BAHCC1: variants seen among roughly 807,000 people sequenced by gnomAD.
BAHCC1 encodes BAH and coiled-coil domain-containing protein 1.
In BAHCC1, 43 loss-of-function variants were observed where a neutral mutation model predicts 88.2. The ratio of observed to expected loss-of-function variants is 0.49; its 90% CI spans 0.38 to 0.63. The LOEUF (loss-of-function observed/expected upper bound fraction) is 0.63. Among genes scored for constraint, BAHCC1 ranks in the 20% least tolerant of loss-of-function variants. BAHCC1 has a pLI of 0.00. For missense variants in BAHCC1, 3,023 were observed against 1,654.8 expected (o/e 1.83, Z -14.34); for synonymous variants, 1,510 against 745.5 (o/e 2.03, Z -16.71).
Position 81,455,087 on chromosome 17 carries a change from CAGA to C in BAHCC1, c.4446-179_4446-177del, listed in dbSNP as rs61256828. 4.7e-3 allele frequency among the ~76,000 whole-genome samples: 710 copies of C among 152,306 alleles called. 5 individuals carry two copies. The highest frequency in any genetic ancestry group is 0.016 in the African/African-American group (654 of 41,566). ...GAGGGGCTGGCTGCAGGCAGGTGCT[CAGA>C]GGAGGTCAGAGCTGGCTCGGCCCCC... On this transcript the variant is annotated intron_variant, in intron 14 of 27. Coordinates refer to ENST00000675386, the MANE Select transcript of BAHCC1 (RefSeq NM_001377448.1).
intron 3 of BAHCC1, among the ~76,000 whole-genome samples, chr17:81,437,624 G>A (rs782318732): frequency 1.3e-5 from 2 of 152,266 alleles, no homozygotes; most frequent in Non-Finnish European, 2.9e-5. Context: ...GTGGCTGGGT[G>A]TGGCTGGCTT....
At chr17:81,431,290 C>T (rs1340304854) in intron 3 of BAHCC1, among the ~76,000 whole-genome samples, 1 of 152,156 alleles carries the variant, frequency 6.6e-6, no homozygotes, top group Non-Finnish European at 1.5e-5. Flanking sequence ...CTCCTGTCCC[C>T]ACTGGAGTCT....
chr17:81,418,173 A>G (rs2143327243), intron 2 of BAHCC1, among the ~76,000 whole-genome samples: 1 of 152,344 alleles, frequency 6.6e-6, no homozygotes, highest in South Asian at 2.1e-4. Flanking sequence ...GGACAGACGG[A>G]CATCTGGTGG....
intron 2 of BAHCC1, among the ~76,000 whole-genome samples, chr17:81,419,810 T>TTA (rs2064093359): frequency 1.3e-5 from 2 of 150,238 alleles, no homozygotes; most frequent in Non-Finnish European, 3.0e-5. Context: ...TTTTTTTTTT[T>TTA]ACAACCCATT....
chr17:81,461,258 C>T lies in BAHCC1; in HGVS notation c.6595C>T (p.Arg2199Trp), dbSNP rs782041539. ...GAGGGTGGAGGCCGAGAAGGGTGGG[C>T]GGCGGCGGGCGGGCGGTGAGTTCCT... ...AERVEAEKGG[R>W]RRAGGEFLVK... is the part of the protein sequence containing the mutation. The change falls in exon 26 of 28, where the codon CGG (arginine) becomes TGG (tryptophan). Residue 2199 changes from arginine (R) to tryptophan (W), a missense_variant. By Grantham distance (101) the Arg-to-Trp change is moderately radical. Transcript: ENST00000675386. 19 of 696,198 alleles carry T rather than the reference C, an allele frequency of 2.7e-5. No individual in the cohort carries two copies. The highest frequency in any genetic ancestry group is 5.3e-5 in the East Asian group (2 of 37,770). 43.1% of individuals were successfully genotyped at this position (696,198 alleles called of 1,614,324 possible). A position where few individuals can be genotyped will look rare whatever the true frequency, so the allele number is the denominator to read the frequency against.
At chr17:81,455,587 G>A (rs370839494) in intron 15 of BAHCC1, among the ~76,000 whole-genome samples, 197 bp downstream of exon 15, 3 of 152,192 alleles carry the variant, frequency 2.0e-5, no homozygotes, top group Admixed American at 6.5e-5. Context: ...GTCTGACCGG[G>A]TGGCCCTGCC....
chr17:81,406,080 C>T (rs1376091168), intron 2 of BAHCC1, among the ~76,000 whole-genome samples: 1 of 152,234 alleles, frequency 6.6e-6, no homozygotes, highest in Non-Finnish European at 1.5e-5. Context: ...CACCCTCAAA[C>T]AACAGAAGCT....
At chr17:81,463,469 G>A in intron 27 of BAHCC1, 142 bp from the exon 28 acceptor site, 1 of 649,626 alleles carries the variant, frequency 1.5e-6, no homozygotes, top group South Asian at 1.7e-5. Context: ...TCCCTGGCAG[G>A]TTCCTCGGCC....
rs370519547 is a variant in BAHCC1, at chr17:81,444,811, G to T, written c.2656G>T (p.Ala886Ser). The T allele has an allele frequency of 1.3e-6, 1 of 776,356 alleles. No homozygotes were observed. Among genetic ancestry groups the T allele is most frequent in the East Asian group, 2.4e-5 (1 of 41,162 alleles). 48.1% of individuals were successfully genotyped at this position (776,356 alleles called of 1,614,324 possible). ...ILPSEPTPHS[A>S]PHALADVMDQ... The stretch of plus-strand genomic sequence containing the variant: ...GCCCTCAGAGCCCACACCCCACAGC[G>T]CCCCCCACGCACTTGGTAAGGGCCC... Residue 886 changes from alanine to serine, a missense_variant, in exon 8 of 28, where the codon GCC (alanine) becomes TCC (serine). By Grantham distance (99) the Ala-to-Ser change is moderately conservative. Transcript: ENST00000675386.
In BAHCC1 at chr17:81,447,481, G is replaced by A. The variant is rs782477099; in HGVS notation, c.3609G>A (p.Leu1203=). The part of the protein sequence containing the change: ...GPSSGASSQV[L]EQRAGSPGAL... ...CGTCAGGGGCCTCCTCCCAAGTCCT[G>A]GAGCAGCGAGCAGGGAGTCCGGGTG... is the stretch of plus-strand genomic sequence containing the variant. Residue 1203 remains leucine, a synonymous_variant, in exon 11 of 28, where the codon CTG becomes CTA. Transcript: ENST00000675386. 2 of 742,968 alleles carry A rather than the reference G, an allele frequency of 2.7e-6. No homozygotes were observed. Among genetic ancestry groups the A allele is most frequent in the Non-Finnish European group, 5.0e-6 (2 of 399,774 alleles). The allele number at this position is 742,968 out of a possible 1,614,324, so 46.0% of individuals were successfully genotyped here.
Position 81,460,999 on chromosome 17 carries a change from C to T in BAHCC1, c.6336C>T (p.Ala2112=), listed in dbSNP as rs782591235. 4 of 773,118 alleles carry T rather than the reference C, an allele frequency of 5.2e-6. No individual in the cohort carries two copies. The highest frequency in any genetic ancestry group is 1.7e-5 in the Admixed American group (1 of 58,862). 47.9% of individuals were successfully genotyped at this position (773,118 alleles called of 1,614,324 possible). The part of the protein sequence containing the change: ...AQTKRKAVAA[A]SKGPGVLQNL... Reference sequence around the variant, plus strand: ...CCAAGCGGAAGGCGGTGGCAGCGGCCAGCAAGGGGCCGGGGGTGCTGCAGA... The same window carrying T: ...CCAAGCGGAAGGCGGTGGCAGCGGCTAGCAAGGGGCCGGGGGTGCTGCAGA... The change falls in exon 26 of 28, where the codon GCC becomes GCT. Residue 2112 remains alanine, a synonymous_variant. Transcript: ENST00000675386.
At chr17:81,451,190 G>T (rs921115332) in intron 11 of BAHCC1, 6 of 159,534 alleles carry the variant, frequency 3.8e-5, no homozygotes, top group Non-Finnish European at 7.0e-5. Flanking sequence ...CCGCAGGCTT[G>T]AGCCACAGCA....
chr17:81,445,224 A>G (rs782262657), intron 9 of BAHCC1, 46 bp downstream of exon 9: 9 of 731,558 alleles, frequency 1.2e-5, no homozygotes, highest in East Asian at 2.6e-5. Context: ...CTTCTCCCCA[A>G]CCCTGCCTGG....
rs750322781 is a variant in BAHCC1, at chr17:81,463,356, G to A, written c.7621-255G>A. Among the ~76,000 whole-genome samples, 46 of 152,174 alleles carry A rather than the reference G, an allele frequency of 3.0e-4. 1 individual carries two copies. Among genetic ancestry groups the A allele is most frequent in the Admixed American group, 1.5e-3 (23 of 15,278 alleles). ...AGCCATTTTCCAGACCATATGACAC[G>A]TCCATCTTTCAGGGAAATTAGTATT... On this transcript the variant is annotated intron_variant, in intron 27 of 27. Transcript: ENST00000675386.
chr17:81,411,731 A>G lies in BAHCC1; in HGVS notation c.178+11814A>G. On this transcript the variant is annotated intron_variant, in intron 2 of 27. Coordinates refer to ENST00000675386, the MANE Select transcript of BAHCC1 (RefSeq NM_001377448.1). The surrounding 1 kb of genome is among the most constrained non-coding windows in gnomAD (Gnocchi z 6.2). ...CCCACCCTGCCAGGGAGGCCTCAGC[A>G]TAGTCCTTGAGCTCTGGGGGCCCCA... is the stretch of plus-strand genomic sequence containing the variant. The G allele has an allele frequency of 3.5e-6, 1 of 289,338 alleles. No individual in the cohort carries two copies. The highest frequency in any genetic ancestry group is 6.8e-6 in the Non-Finnish European group (1 of 146,278). The allele number at this position is 289,338 out of a possible 1,614,324, so 17.9% of individuals were successfully genotyped here.
At chr17:81,422,201 A>G (rs1439712672) in intron 2 of BAHCC1, among the ~76,000 whole-genome samples, 1 of 152,074 alleles carries the variant, frequency 6.6e-6, no homozygotes, top group African/African-American at 2.4e-5. Context: ...TAGTAGAGAC[A>G]GGGTTTCACC....
chr17:81,439,053 G>A (rs1205049909), intron 4 of BAHCC1, among the ~76,000 whole-genome samples: 7 of 152,218 alleles, frequency 4.6e-5, no homozygotes, highest in African/African-American at 1.7e-4. Flanking sequence ...AAGGGATGCA[G>A]ACTTTGTCTT....
chr17:81,422,315 T>C (rs1555649690), intron 2 of BAHCC1, among the ~76,000 whole-genome samples: 1 of 152,246 alleles, frequency 6.6e-6, no homozygotes, highest in Non-Finnish European at 1.5e-5. Flanking sequence ...CTGGTCTCTC[T>C]TGTGCTTTAT....
intron 2 of BAHCC1, among the ~76,000 whole-genome samples, chr17:81,420,863 G>A (rs575949922): frequency 2.6e-5 from 4 of 152,264 alleles, no homozygotes; most frequent in Non-Finnish European, 5.9e-5. Context: ...GCCTGGCAGA[G>A]CGGCCCCAGG....
Sources: gnomAD v4.1 joint callset for allele counts (sites outside exome capture counted in the v4.1 genomes callset) on GRCh38, gnomAD v4.1.1 for gene constraint, Gnocchi (gnomAD v3.1) non-coding constraint, MANE v1.5 for transcripts, NCBI Gene and HGNC (gene_info 2026-07-23, HGNC 2026-07-21) for gene names.